The following ATAD2B variants were observed in gnomAD, a reference collection of about 807,000 sequenced individuals.
ATAD2B encodes the protein ATPase family AAA domain containing 2B.
ATAD2B carries 40 observed loss-of-function variants against 167.6 expected under a neutral mutation model. That is an observed-to-expected ratio of 0.24 (90% CI 0.19 to 0.31). The LOEUF (loss-of-function observed/expected upper bound fraction) is 0.31. Ranked by LOEUF, ATAD2B falls within the 10% of genes least tolerant of loss-of-function variation. ATAD2B has a pLI of 1.00. For synonymous variants in ATAD2B, 579 were observed against 596.5 expected (o/e 0.97, Z 0.43); for missense variants, 1,242 against 1,757.2 (o/e 0.71, Z 5.24).
chr2:23,900,930 T>A (rs557699241), intron 1 of ATAD2B: 2 of 152,966 alleles, frequency 1.3e-5, no homozygotes, highest in African/African-American at 4.8e-5. Flanking sequence ...TCCAAAAGAC[T>A]TGCGCCTGAT....
intron 22 of ATAD2B, among the ~76,000 whole-genome samples, chr2:23,769,868 G>A (rs766386288): frequency 5.3e-5 from 8 of 151,404 alleles, no homozygotes; most frequent in Admixed American, 4.6e-4. Context: ...ATATTTAGTA[G>A]AGACAGGGAT....
the ATAD2B span, among the ~76,000 whole-genome samples, chr2:23,705,700 G>A: frequency 6.6e-6 from 1 of 152,184 alleles, no homozygotes; most frequent in South Asian, 2.1e-4. Context: ...AACGGGTGGA[G>A]CCTTTGAAAA....
chr2:23,683,776 T>G, the ATAD2B span, among the ~76,000 whole-genome samples: 1 of 152,146 alleles, frequency 6.6e-6, no homozygotes, highest in East Asian at 1.9e-4. Flanking sequence ...AGGGTCCCTG[T>G]CCCTTGCTTG....
In ATAD2B at chr2:23,810,342, T is replaced by C. The variant is rs542782436; in HGVS notation, c.2428A>G (p.Lys810Glu). Residue 810 changes from lysine (K) to glutamate (E), a missense_variant, in exon 18 of 28, where the codon AAA becomes GAA. By Grantham distance (56) the Lys-to-Glu change is moderately conservative. Transcript: ENST00000238789. ...TGTGCACATGATTCCTCAGGTGTTT[T>C]GGCACTAACTGAATAAAGTGCTGGG... ...DLPALYSVSA[K>E]TPEESCAQIF... The C allele has an allele frequency of 6.2e-7, 1 of 1,613,896 alleles. No homozygotes were observed. The highest frequency in any genetic ancestry group is 8.5e-7 in the Non-Finnish European group (1 of 1,179,786).
At chr2:23,763,021 T>C (rs965911704) in intron 23 of ATAD2B, among the ~76,000 whole-genome samples, 17 of 152,332 alleles carry the variant, frequency 1.1e-4, no homozygotes, top group African/African-American at 2.9e-4. Flanking sequence ...CTGATCCAGA[T>C]ATACAACTTC....
chr2:23,857,298 G>C (rs1693578808), intron 13 of ATAD2B, 117 bp downstream of exon 13: 1 of 569,276 alleles, frequency 1.8e-6, no homozygotes, highest in Admixed American at 4.2e-5. Context: ...AGTCCTCACA[G>C]ACACAGATTG....
At chr2:23,699,066 G>A in the ATAD2B span, among the ~76,000 whole-genome samples, 15 of 152,148 alleles carry the variant, frequency 9.9e-5, no homozygotes, top group African/African-American at 1.4e-4. Flanking sequence ...ATTTGTCTGG[G>A]GCTTAATTGA....
chr2:23,730,559 A>T, the ATAD2B span, among the ~76,000 whole-genome samples: 1 of 143,598 alleles, frequency 7.0e-6, no homozygotes, highest in Non-Finnish European at 1.5e-5. Flanking sequence ...CCAGCTACTC[A>T]GGAGGCTGAG....
At chr2:23,911,478 C>T (rs890529426) in intron 1 of ATAD2B, among the ~76,000 whole-genome samples, 1 of 151,682 alleles carries the variant, frequency 6.6e-6, no homozygotes, top group African/African-American at 2.4e-5. Context: ...TCACCTGAGC[C>T]CAGAAGGTCA....
At chr2:23,802,189 G>A (rs1366449831) in intron 18 of ATAD2B, among the ~76,000 whole-genome samples, 1 of 151,648 alleles carries the variant, frequency 6.6e-6, no homozygotes, top group Non-Finnish European at 1.5e-5. Context: ...GAAAAATGTT[G>A]GGAGCTAAAA....
intron 8 of ATAD2B, among the ~76,000 whole-genome samples, chr2:23,874,451 G>T (rs544210267): frequency 3.2e-4 from 48 of 152,238 alleles, no homozygotes; most frequent in African/African-American, 1.1e-3. Context: ...GGGCACAGTA[G>T]CTCATGCCTG....
At chr2:23,807,785 C>T (rs1684677421) in intron 18 of ATAD2B, among the ~76,000 whole-genome samples, 1 of 141,422 alleles carries the variant, frequency 7.1e-6, no homozygotes. Context: ...CACTGCACTC[C>T]AGCCTGGGCA....
At chr2:23,864,502 T>C (rs1694871128) in intron 11 of ATAD2B, among the ~76,000 whole-genome samples, 1 of 152,082 alleles carries the variant, frequency 6.6e-6, no homozygotes, top group African/African-American at 2.4e-5. Context: ...AAATAACATA[T>C]AGCATCAAAC....
chr2:23,743,533 AGCCTGG>A, the ATAD2B span, among the ~76,000 whole-genome samples: 1 of 150,548 alleles, frequency 6.6e-6, no homozygotes, highest in Non-Finnish European at 1.5e-5. Flanking sequence ...ACTGCACTCC[AGCCTGG>A]GCAACAGAGC....
intron 11 of ATAD2B, 46 bp downstream of exon 11, chr2:23,864,763 G>T (rs1383328781): frequency 1.1e-6 from 1 of 874,194 alleles, no homozygotes; most frequent in East Asian, 2.8e-5. Context: ...TAACATTTGA[G>T]AAAGTAACAG....
chr2:23,767,795 A>G (rs905379403), intron 22 of ATAD2B, among the ~76,000 whole-genome samples: 1 of 152,188 alleles, frequency 6.6e-6, no homozygotes, highest in African/African-American at 2.4e-5. Context: ...ATTTGGTGAT[A>G]AAGTAGATAA....
At chr2:23,855,376 A>G (rs1020901700) in intron 13 of ATAD2B, among the ~76,000 whole-genome samples, 1 of 152,214 alleles carries the variant, frequency 6.6e-6, no homozygotes, top group Non-Finnish European at 1.5e-5. Context: ...TTGTATTACT[A>G]TTAATGCAAA....
the ATAD2B span, among the ~76,000 whole-genome samples, chr2:23,715,007 T>C: frequency 4.6e-5 from 7 of 152,192 alleles, no homozygotes; most frequent in African/African-American, 7.2e-5. Context: ...TCTACTCATA[T>C]TGTAATATTT....
Position 23,888,362 on chromosome 2 carries a change from G to T in ATAD2B, c.406C>A (p.His136Asn). 6.3e-7 allele frequency: 1 copy of T among 1,589,984 alleles called. No homozygotes were observed. The highest frequency in any genetic ancestry group is 8.6e-7 in the Non-Finnish European group (1 of 1,168,484). The change falls in exon 3 of 28, where the codon CAT (histidine) becomes AAT (asparagine). Residue 136 changes from histidine to asparagine, a missense_variant. His to Asn is a moderately conservative substitution (Grantham distance 68). Around this residue, in one of 9 missense-constraint regions of ATAD2B, gnomAD observed 199 missense variants for 194.9 expected, o/e 1.02. Coordinates refer to ENST00000238789, the MANE Select transcript of ATAD2B (RefSeq NM_017552.4). The stretch of plus-strand genomic sequence containing the variant: ...ATAGAATACTCACATAAGCCACTAT[G>T]TCCATTTGGTAATGTAGCACCAGGC... The part of the protein sequence containing the change: ...SQPGATLPNG[H>N]SGLSLRSHPL...
Sources: allele counts gnomAD v4.1 joint callset (sites outside exome capture counted in the v4.1 genomes callset), GRCh38; gene constraint gnomAD v4.1.1; regional missense constraint gnomAD v4.1.1; transcripts MANE v1.5; gene names NCBI Gene and HGNC (gene_info 2026-07-23, HGNC 2026-07-21).